GALNT17: variants seen among roughly 807,000 people sequenced by gnomAD.
GALNT17 encodes the protein polypeptide N-acetylgalactosaminyltransferase 17.
A neutral mutation model predicts 63.7 loss-of-function variants in GALNT17; 29 were observed. The observed-to-expected ratio is 0.46, with a 90% CI of 0.34 to 0.62. The LOEUF is 0.62. Ranked by LOEUF, GALNT17 falls within the 20% of genes least tolerant of loss-of-function variation. The probability of loss-of-function intolerance (pLI) is 0.01; values close to 1 mark genes in which losing one functional copy is unlikely to be tolerated. For synonymous variants in GALNT17, 305 were observed against 318.3 expected (o/e 0.96, Z 0.45); for missense variants, 603 against 799.6 (o/e 0.75, Z 2.97).
At chr7:71,529,946 A>T (rs1788686551) in intron 5 of GALNT17, among the ~76,000 whole-genome samples, 2 of 152,246 alleles carry the variant, frequency 1.3e-5, no homozygotes, top group African/African-American at 4.8e-5. Flanking sequence ...TACCTAGAAA[A>T]TGTAAACATA....
At chr7:71,241,813 C>T (rs946539325) in intron 1 of GALNT17, among the ~76,000 whole-genome samples, 6 of 152,110 alleles carry the variant, frequency 3.9e-5, no homozygotes, top group African/African-American at 1.4e-4. Context: ...TGCTTGAGCC[C>T]AGGAGTTCTA....
intron 5 of GALNT17, among the ~76,000 whole-genome samples, chr7:71,452,253 A>G (rs1583966550): frequency 6.6e-6 from 1 of 151,960 alleles, no homozygotes; most frequent in East Asian, 1.9e-4. Flanking sequence ...GAAAAAAAAA[A>G]AAGATTTTAG....
intron 3 of GALNT17, among the ~76,000 whole-genome samples, chr7:71,408,890 A>ATG (rs1377967524): frequency 5.3e-5 from 8 of 151,136 alleles, no homozygotes; most frequent in South Asian, 2.1e-4. Flanking sequence ...GTCTCTGTAT[A>ATG]TGTGTGTGTG....
intron 6 of GALNT17, among the ~76,000 whole-genome samples, chr7:71,600,596 C>G (rs1308687932): frequency 6.6e-6 from 1 of 152,124 alleles, no homozygotes; most frequent in Non-Finnish European, 1.5e-5. Context: ...ATTAAGCAAT[C>G]AGCAGAGCCG....
chr7:71,539,990 T>A (rs896538110), intron 5 of GALNT17, among the ~76,000 whole-genome samples: 1 of 150,848 alleles, frequency 6.6e-6, no homozygotes, highest in Non-Finnish European at 1.5e-5. Flanking sequence ...GACAAGATCT[T>A]GCTGTGTTGC....
At chr7:71,604,625 G>A (rs963843461) in intron 6 of GALNT17, among the ~76,000 whole-genome samples, 6 of 152,178 alleles carry the variant, frequency 3.9e-5, no homozygotes, top group South Asian at 4.1e-4. Context: ...ACTACCATGC[G>A]ATACTACCCT....
rs533072220 is a variant in GALNT17 at position 71,149,388 on chromosome 7, G to A, written c.238+16348G>A. 3.9e-5 allele frequency among the ~76,000 whole-genome samples: 6 copies of A among 152,296 alleles called. No individual in the cohort carries two copies. The East Asian group carries it at 1.2e-3, about 29-fold the overall frequency. Reference sequence around the variant, plus strand: ...GCACCTACCAGCTGCTCCATTCTGAGTCTCCTTTGCGAAGTTGGTACTCAC... The same window carrying A: ...GCACCTACCAGCTGCTCCATTCTGAATCTCCTTTGCGAAGTTGGTACTCAC... On this transcript the variant is annotated intron_variant, in intron 1 of 10. Coordinates refer to ENST00000333538, the MANE Select transcript of GALNT17 (RefSeq NM_022479.3).
intron 7 of GALNT17, 86 bp from the exon 8 acceptor site, chr7:71,669,886 G>A: frequency 2.0e-6 from 3 of 1,537,156 alleles, no homozygotes; most frequent in Admixed American, 2.0e-5. Context: ...CTATGTGAAG[G>A]TTTCCCTGAA....
intron 6 of GALNT17, among the ~76,000 whole-genome samples, chr7:71,626,596 T>A (rs1473825690): frequency 6.6e-6 from 1 of 152,224 alleles, no homozygotes; most frequent in Non-Finnish European, 1.5e-5. Flanking sequence ...TTTGGAGATG[T>A]AAGCTAAAGA....
chr7:71,625,518 T>C (rs11766196), intron 6 of GALNT17, among the ~76,000 whole-genome samples: 38,618 of 152,002 alleles, frequency 0.25, 5,195 homozygotes, highest in Non-Finnish European at 0.29. Context: ...TCTCCTCCTC[T>C]CTTTTTAAAT....
rs564838208 is a variant in GALNT17, at chr7:71,480,952, C to G, written c.962+59847C>G. On this transcript the variant is annotated intron_variant, in intron 5 of 10. Transcript: ENST00000333538. ...TCATGACAGCCCAGGCAACACAGAG[C>G]TACAGAGGGAGGGAACCTCTGCCAC... Among the ~76,000 whole-genome samples, 12 of 152,338 alleles carry G rather than the reference C, an allele frequency of 7.9e-5. 1 individual carries two copies. In the East Asian group the frequency reaches 1.5e-3, roughly 20 times the overall value.
chr7:71,247,381 G>A (rs186684487), intron 1 of GALNT17, among the ~76,000 whole-genome samples: 1 of 152,280 alleles, frequency 6.6e-6, no homozygotes. Context: ...GCAGGGGTTA[G>A]AGGTGCTTAC....
chr7:71,460,324 T>C (rs1787431348), intron 5 of GALNT17, among the ~76,000 whole-genome samples: 2 of 152,192 alleles, frequency 1.3e-5, no homozygotes, highest in South Asian at 2.1e-4. Context: ...GAGATTCTTA[T>C]TACCTAAATA....
intron 3 of GALNT17, among the ~76,000 whole-genome samples, chr7:71,400,771 T>C (rs1157594494): frequency 6.6e-6 from 1 of 152,226 alleles, no homozygotes; most frequent in Non-Finnish European, 1.5e-5. Context: ...TTGGAAACAC[T>C]GAAGCTGAAT....
chr7:71,498,172 G>GTATATAAGTATATAAGTATATAAGTACTT (rs1187868134), intron 5 of GALNT17, among the ~76,000 whole-genome samples: 1 of 151,998 alleles, frequency 6.6e-6, no homozygotes, highest in Admixed American at 6.6e-5. Context: ...TGTTACTTTT[G>GTATATAAGTATATAAGTATATAAGTACTT]TGATATAAAA....
intron 6 of GALNT17, among the ~76,000 whole-genome samples, chr7:71,635,889 C>T (rs1433290921): frequency 6.6e-6 from 1 of 152,164 alleles, no homozygotes; most frequent in African/African-American, 2.4e-5. Context: ...AGGTCACTCT[C>T]GTCACCATCT....
At chr7:71,378,407 GA>G (rs1563048959) in intron 2 of GALNT17, among the ~76,000 whole-genome samples, 1 of 152,140 alleles carries the variant, frequency 6.6e-6, no homozygotes, top group African/African-American at 2.4e-5. Flanking sequence ...CCTTGATGAG[GA>G]GGGAAGCATA....
chr7:71,683,241 C>A (rs1791297520), intron 9 of GALNT17, among the ~76,000 whole-genome samples: 1 of 152,102 alleles, frequency 6.6e-6, no homozygotes, highest in South Asian at 2.1e-4. Context: ...AGCCACGTGT[C>A]CTGAATTAGA....
At position 71,571,360 on chromosome 7, in the gene GALNT17, C is replaced by G; in HGVS notation, c.1038C>G (p.Gly346=). 6.2e-7 allele frequency: 1 copy of G among 1,614,010 alleles called. No homozygotes were observed. The highest frequency in any genetic ancestry group is 8.5e-7 in the Non-Finnish European group (1 of 1,179,946). Residue 346 remains glycine, a synonymous_variant, in exon 6 of 11, where the codon GGC becomes GGG. Coordinates refer to ENST00000333538, the MANE Select transcript of GALNT17 (RefSeq NM_022479.3). ...FFGEIGLLDP[G]MDVYGGENIE... Reference sequence around the variant, plus strand: ...GTGAAATTGGTCTTCTGGATCCTGGCATGGATGTATACGGAGGAGAAAATA... The same window carrying G: ...GTGAAATTGGTCTTCTGGATCCTGGGATGGATGTATACGGAGGAGAAAATA...
Sources: allele counts gnomAD v4.1 joint callset (sites outside exome capture counted in the v4.1 genomes callset), GRCh38; gene constraint gnomAD v4.1.1; transcripts MANE v1.5; gene names NCBI Gene and HGNC (gene_info 2026-07-23, HGNC 2026-07-21).